Variants in PTPRR observed in about 807,000 individuals in gnomAD.
PTPRR encodes the protein receptor-type tyrosine-protein phosphatase R.
A neutral mutation model predicts 77.2 loss-of-function variants in PTPRR; 38 were observed. The ratio of observed to expected loss-of-function variants is 0.49; its 90% CI spans 0.38 to 0.65. PTPRR has a LOEUF of 0.65. Among genes scored for constraint, PTPRR ranks in the 30% least tolerant of loss-of-function variants. The pLI is 0.00. For synonymous variants in PTPRR, 299 were observed against 283.1 expected, an observed-to-expected ratio of 1.06 and a Z score of -0.57; for missense variants, 744 against 799.2, an observed-to-expected ratio of 0.93 and a Z score of 0.83.
intron 2 of PTPRR, among the ~76,000 whole-genome samples, chr12:70,861,088 C>G (rs1892745745): frequency 6.6e-6 from 1 of 152,068 alleles, no homozygotes; most frequent in African/African-American, 2.4e-5. Flanking sequence ...TAAAAATGCT[C>G]AATAAGTATT....
At chr12:70,904,662 A>G (rs1893593816) in intron 1 of PTPRR, among the ~76,000 whole-genome samples, 1 of 151,914 alleles carries the variant, frequency 6.6e-6, no homozygotes, top group African/African-American at 2.4e-5. Context: ...CTATACACCA[A>G]AAAAGTCAAT....
At chr12:70,756,856 C>T (rs1890575616) in intron 4 of PTPRR, among the ~76,000 whole-genome samples, 1 of 152,056 alleles carries the variant, frequency 6.6e-6, no homozygotes, top group African/African-American at 2.4e-5. Flanking sequence ...TTCAGAGATA[C>T]AGAGGATCTA....
chr12:70,728,768 C>T (rs1379910274), intron 6 of PTPRR, among the ~76,000 whole-genome samples: 2 of 151,864 alleles, frequency 1.3e-5, no homozygotes, highest in Non-Finnish European at 2.9e-5. Flanking sequence ...TAGTTAACTT[C>T]TTTATCTCCA....
At chr12:70,675,067 C>A (rs1017021017) in intron 10 of PTPRR, among the ~76,000 whole-genome samples, 1 of 151,968 alleles carries the variant, frequency 6.6e-6, no homozygotes, top group African/African-American at 2.4e-5. Context: ...TCTCTGGTAA[C>A]CTCTCTAGTA....
intron 2 of PTPRR, among the ~76,000 whole-genome samples, chr12:70,878,966 GCTGGAAAC>G (rs1893102240): frequency 1.3e-5 from 2 of 152,246 alleles, no homozygotes; most frequent in South Asian, 4.1e-4. Context: ...CATGGATGAA[GCTGGAAAC>G]CATCATTCTC....
intron 2 of PTPRR, among the ~76,000 whole-genome samples, chr12:70,800,040 A>C (rs1207276410): frequency 6.6e-6 from 1 of 152,326 alleles, no homozygotes; most frequent in East Asian, 1.9e-4. Context: ...CTGGAGGTGC[A>C]GCCAGCATCT....
At chr12:70,850,081 G>T (rs1892546746) in intron 2 of PTPRR, among the ~76,000 whole-genome samples, 1 of 151,970 alleles carries the variant, frequency 6.6e-6, no homozygotes, top group Non-Finnish European at 1.5e-5. Context: ...TAATTTTCTG[G>T]CTGGGCATGG....
intron 13 of PTPRR, among the ~76,000 whole-genome samples, chr12:70,649,636 C>T (rs114027349): frequency 0.016 from 2,469 of 152,158 alleles, 68 homozygotes; most frequent in African/African-American, 0.057. Flanking sequence ...AGTGCAGTGG[C>T]GTGAAGTCGG....
chr12:70,809,807 AACTAAACATGACC>A (rs1891777745), intron 2 of PTPRR, among the ~76,000 whole-genome samples: 1 of 152,210 alleles, frequency 6.6e-6, no homozygotes, highest in African/African-American at 2.4e-5. Flanking sequence ...GTGAGAGAGA[AACTAAACATGACC>A]ACTAAATAAA....
At chr12:70,672,205 G>C (rs1319012062) in intron 10 of PTPRR, 2 of 1,571,018 alleles carry the variant, frequency 1.3e-6, no homozygotes, top group African/African-American at 1.4e-5. Flanking sequence ...GGTTGGAAGT[G>C]ACCTCCCTGG....
At chr12:70,732,701 C>T (rs1473385311) in intron 6 of PTPRR, among the ~76,000 whole-genome samples, 1 of 151,816 alleles carries the variant, frequency 6.6e-6, no homozygotes, top group Non-Finnish European at 1.5e-5. Flanking sequence ...GCTGGGATTA[C>T]AGGCGCACGT....
chr12:70,771,331 G>C (rs940504044), intron 2 of PTPRR, among the ~76,000 whole-genome samples: 1 of 152,016 alleles, frequency 6.6e-6, no homozygotes, highest in African/African-American at 2.4e-5. Flanking sequence ...TCACTTATAA[G>C]TGGGAGCTGA....
chr12:70,816,479 A>G (rs1207529185), intron 2 of PTPRR, among the ~76,000 whole-genome samples: 2 of 152,054 alleles, frequency 1.3e-5, no homozygotes, highest in African/African-American at 4.8e-5. Context: ...AAGATAATTC[A>G]TTGAAGTGAA....
At chr12:70,682,481 G>A (rs1566064945) in intron 10 of PTPRR, among the ~76,000 whole-genome samples, 2 of 151,988 alleles carry the variant, frequency 1.3e-5, no homozygotes, top group East Asian at 1.9e-4. Flanking sequence ...TTAATTTTCT[G>A]GTTTTATGCC....
intron 2 of PTPRR, among the ~76,000 whole-genome samples, chr12:70,891,224 T>A (rs1249026139): frequency 6.6e-6 from 1 of 152,086 alleles, no homozygotes; most frequent in African/African-American, 2.4e-5. Context: ...TTGGTGCCTT[T>A]TATTGTCCAT....
At chr12:70,830,192 A>G (rs1235122403) in intron 2 of PTPRR, among the ~76,000 whole-genome samples, 3 of 152,178 alleles carry the variant, frequency 2.0e-5, no homozygotes, top group Non-Finnish European at 4.4e-5. Context: ...GTGGCCATCA[A>G]AGCAACCAGA....
At chr12:70,805,537 C>T (rs1891695081) in intron 2 of PTPRR, among the ~76,000 whole-genome samples, 1 of 151,976 alleles carries the variant, frequency 6.6e-6, no homozygotes, top group Non-Finnish European at 1.5e-5. Context: ...ACTTTTTAAA[C>T]TTGTGCAGAG....
intron 2 of PTPRR, among the ~76,000 whole-genome samples, chr12:70,808,319 ACTTGTGATCTTGCCCTGCTCATCTGC>A (rs945060233): frequency 6.6e-5 from 10 of 152,032 alleles, no homozygotes; most frequent in Non-Finnish European, 1.5e-4. Flanking sequence ...GTTGCCCTGA[ACTTGTGATCTTGCCCTGCTCATCTGC>A]CTTGTGATCT....
intron 2 of PTPRR, among the ~76,000 whole-genome samples, chr12:70,859,380 C>A (rs946708398): frequency 3.9e-5 from 6 of 151,912 alleles, no homozygotes; most frequent in African/African-American, 1.5e-4. Flanking sequence ...TAATATGTAT[C>A]CAGGGTTGAC....
Sources: gnomAD v4.1 joint callset for allele counts (sites outside exome capture counted in the v4.1 genomes callset) on GRCh38, gnomAD v4.1.1 for gene constraint, MANE v1.5 for transcripts, NCBI Gene and HGNC (gene_info 2026-07-23, HGNC 2026-07-21) for gene names.